NALF1: variants seen among roughly 807,000 people sequenced by gnomAD.
NALF1 encodes the protein family with sequence similarity 155 member A.
NALF1 carries 3 observed loss-of-function variants against 48.4 expected under a neutral mutation model. That is an observed-to-expected ratio of 0.06 (90% CI 0.03 to 0.16). The LOEUF is 0.16. Ranked by LOEUF, NALF1 falls within the 10% of genes least tolerant of loss-of-function variation. The probability of loss-of-function intolerance (pLI) is 1.00; values close to 1 mark genes in which losing one functional copy is unlikely to be tolerated. For synonymous variants in NALF1, 262 were observed against 245.7 expected (o/e 1.07, Z -0.62); for missense variants, 526 against 571.5 (o/e 0.92, Z 0.81).
intron 2 of NALF1, among the ~76,000 whole-genome samples, chr13:107,184,118 C>T (rs771854377): frequency 7.3e-5 from 11 of 150,864 alleles, no homozygotes; most frequent in Non-Finnish European, 1.3e-4. Flanking sequence ...CACCATGGCA[C>T]GTATATATCT....
chr13:107,170,166 C>G lies in NALF1; in HGVS notation c.*331G>C. 1 of 221,462 alleles carries G rather than the reference C, an allele frequency of 4.5e-6. No homozygotes were observed. The highest frequency in any genetic ancestry group is 1.9e-3 in the Middle Eastern group (1 of 540). 13.7% of individuals were successfully genotyped at this position (221,462 alleles called of 1,614,324 possible). ...AAAGACTTAGTTTACCTCTGAGAAA[C>G]CATCCCCCAAAATAAATCCTGTATT... is the stretch of plus-strand genomic sequence containing the variant. On this transcript the variant is annotated 3_prime_UTR_variant, in exon 3 of 3. Transcript: ENST00000375915.
intron 1 of NALF1, among the ~76,000 whole-genome samples, chr13:107,469,940 T>C (rs1594080226): frequency 1.3e-5 from 2 of 151,796 alleles, no homozygotes; most frequent in Non-Finnish European, 2.9e-5. Context: ...AGACGGGGTT[T>C]CACCGTGTTA....
At chr13:107,528,230 A>T (rs970150974) in intron 1 of NALF1, among the ~76,000 whole-genome samples, 1 of 152,150 alleles carries the variant, frequency 6.6e-6, no homozygotes, top group Non-Finnish European at 1.5e-5. Flanking sequence ...TTAGAAAAAA[A>T]AATAGTTCCA....
chr13:107,707,738 G>C (rs1349593644), intron 1 of NALF1, among the ~76,000 whole-genome samples: 3 of 152,158 alleles, frequency 2.0e-5, no homozygotes, highest in African/African-American at 7.2e-5. Flanking sequence ...CTTCATGCTG[G>C]GTTAGCTAGC....
chr13:107,203,958 C>T (rs951266766), intron 2 of NALF1, among the ~76,000 whole-genome samples: 3 of 152,174 alleles, frequency 2.0e-5, no homozygotes, highest in African/African-American at 7.2e-5. Flanking sequence ...GGAGGCAGAG[C>T]TCTCCCTGCT....
intron 1 of NALF1, among the ~76,000 whole-genome samples, chr13:107,459,456 A>G (rs201113053): frequency 6.6e-6 from 1 of 152,130 alleles, no homozygotes; most frequent in East Asian, 1.9e-4. Flanking sequence ...CAGCCTTAGA[A>G]GACACAATAG....
chr13:107,659,285 T>C (rs1880667393), intron 1 of NALF1, among the ~76,000 whole-genome samples: 1 of 152,166 alleles, frequency 6.6e-6, no homozygotes, highest in South Asian at 2.1e-4. Flanking sequence ...ACTTCTTGCT[T>C]ATAATTTGCA....
intron 1 of NALF1, among the ~76,000 whole-genome samples, chr13:107,723,936 T>G (rs1876067753): frequency 6.6e-6 from 1 of 152,200 alleles, no homozygotes; most frequent in Non-Finnish European, 1.5e-5. Flanking sequence ...ATTCTTTAAT[T>G]TTTTCATGCA....
intron 1 of NALF1, among the ~76,000 whole-genome samples, chr13:107,339,773 T>A (rs187716995): frequency 7.7e-4 from 115 of 148,766 alleles, no homozygotes; most frequent in African/African-American, 2.5e-3. Flanking sequence ...TTTTCAAAAA[T>A]AAGCCATTTA....
At chr13:107,808,876 T>C (rs1343338097) in intron 1 of NALF1, among the ~76,000 whole-genome samples, 2 of 152,048 alleles carry the variant, frequency 1.3e-5, no homozygotes, top group African/African-American at 4.8e-5. Context: ...TTTCACTAGA[T>C]GGTCCTATAC....
intron 1 of NALF1, among the ~76,000 whole-genome samples, chr13:107,619,998 T>C (rs1029087860): frequency 1.3e-5 from 2 of 152,224 alleles, no homozygotes; most frequent in African/African-American, 2.4e-5. Flanking sequence ...CTCTTTTTTG[T>C]GTGTTCATTA....
Position 107,867,093 on chromosome 13 carries a change from GCTGCCCACTGACGGCGCC to G in NALF1, c.-515_-498del, listed in dbSNP as rs1472261779. Reference sequence around the variant, plus strand: ...CCTGCCAGGGGCATGCCGCGCCTCCGCTGCCCACTGACGGCGCCCGGAGCGCCTCCCCTCCTCCTCCTC... The same window carrying G: ...CCTGCCAGGGGCATGCCGCGCCTCCGCGGAGCGCCTCCCCTCCTCCTCCTC... On this transcript the variant is annotated 5_prime_UTR_variant, in exon 1 of 3. Coordinates refer to ENST00000375915, the MANE Select transcript of NALF1 (RefSeq NM_001080396.3). The surrounding 1 kb of genome is among the most constrained non-coding windows in gnomAD (Gnocchi z 4.4). Among the ~76,000 whole-genome samples the G allele has an allele frequency of 6.6e-6, 1 of 151,434 alleles. No individual in the cohort carries two copies. The highest frequency in any genetic ancestry group is 1.5e-5 in the Non-Finnish European group (1 of 67,782).
chr13:107,185,244 A>T (rs1036961918), intron 2 of NALF1, among the ~76,000 whole-genome samples: 3 of 152,144 alleles, frequency 2.0e-5, no homozygotes, highest in African/African-American at 7.2e-5. Flanking sequence ...CTATAAGAAA[A>T]TACATGTCTA....
rs563578479 is a variant in NALF1 at position 107,203,232 on chromosome 13, A to G, written c.1087+7352T>C. Among the ~76,000 whole-genome samples the G allele has an allele frequency of 3.4e-3, 522 of 152,326 alleles. 1 individual carries two copies. The highest frequency in any genetic ancestry group is 4.6e-3 in the Non-Finnish European group (313 of 68,024). ...TCCTAAACTGACATTCCAGAATTCAAATCTTTCCTTTGGCTTCCCGCTTTG... is the reference window on the plus strand; with the variant it reads ...TCCTAAACTGACATTCCAGAATTCAGATCTTTCCTTTGGCTTCCCGCTTTG... On this transcript the variant is annotated intron_variant, in intron 2 of 2. Coordinates refer to ENST00000375915, the MANE Select transcript of NALF1 (RefSeq NM_001080396.3).
At chr13:107,662,403 A>G (rs1358611261) in intron 1 of NALF1, among the ~76,000 whole-genome samples, 1 of 152,184 alleles carries the variant, frequency 6.6e-6, no homozygotes, top group Non-Finnish European at 1.5e-5. Flanking sequence ...TCCACATTTT[A>G]TTTAGCAGAC....
chr13:107,193,733 C>T (rs564437809), intron 2 of NALF1, among the ~76,000 whole-genome samples: 25 of 152,216 alleles, frequency 1.6e-4, no homozygotes, highest in East Asian at 5.8e-4. Context: ...GAGACTCTAG[C>T]GCCACGTGTC....
chr13:107,649,996 CTACAGATTTTAA>C (rs1263877491), intron 1 of NALF1, among the ~76,000 whole-genome samples: 1 of 152,126 alleles, frequency 6.6e-6, no homozygotes, highest in Non-Finnish European at 1.5e-5. Flanking sequence ...ACTTAAAGAA[CTACAGATTTTAA>C]AAAATACTTG....
At chr13:107,521,789 T>G (rs954151202) in intron 1 of NALF1, among the ~76,000 whole-genome samples, 3 of 152,096 alleles carry the variant, frequency 2.0e-5, no homozygotes, top group Non-Finnish European at 4.4e-5. Flanking sequence ...GAAAGACTTT[T>G]GAAAAATACA....
intron 1 of NALF1, among the ~76,000 whole-genome samples, chr13:107,257,797 G>A (rs1211307202): frequency 6.6e-6 from 1 of 152,134 alleles, no homozygotes; most frequent in Non-Finnish European, 1.5e-5. Context: ...GTAGGGGATG[G>A]GGGGTGGTGA....
Sources: gnomAD v4.1 joint callset for allele counts (sites outside exome capture counted in the v4.1 genomes callset) on GRCh38, gnomAD v4.1.1 for gene constraint, Gnocchi (gnomAD v3.1) non-coding constraint, MANE v1.5 for transcripts, NCBI Gene and HGNC (gene_info 2026-07-23, HGNC 2026-07-21) for gene names.